The following CDH13 variants were observed in gnomAD, a reference collection of about 807,000 sequenced individuals.
CDH13 encodes the protein cadherin 13, also known as cadherin-13.
In CDH13, 24 loss-of-function variants were observed where a neutral mutation model predicts 63.8. The observed-to-expected ratio is 0.38, with a 90% CI of 0.27 to 0.53. CDH13 has a LOEUF of 0.53. CDH13 is among the 20% of genes least tolerant of loss of function. CDH13 has a pLI of 0.85. For synonymous variants in CDH13, 503 were observed against 355.3 expected, an observed-to-expected ratio of 1.42 and a Z score of -4.67; for missense variants, 1,049 against 903.1, an observed-to-expected ratio of 1.16 and a Z score of -2.07.
intron 3 of CDH13, among the ~76,000 whole-genome samples, chr16:83,049,962 C>G (rs945882004): frequency 6.6e-6 from 1 of 152,222 alleles, no homozygotes; most frequent in Non-Finnish European, 1.5e-5. Flanking sequence ...TAAGATGATG[C>G]TACAAAAATA....
rs533874781 is a variant in CDH13 at position 83,258,109 on chromosome 16, A to G, written c.636+40612A>G. 2.6e-5 allele frequency among the ~76,000 whole-genome samples: 4 copies of G among 152,368 alleles called. 1 individual carries two copies. The South Asian group carries it at 6.2e-4, about 24-fold the overall frequency. On this transcript the variant is annotated intron_variant, in intron 5 of 13. Transcript: ENST00000567109. ...GAGTCTTTATAAGCAAGTATAAATT[A>G]GTGGTTATTTGGGGGCTATTTCTGA...
intron 2 of CDH13, among the ~76,000 whole-genome samples, chr16:82,940,620 T>C (rs893872024): frequency 6.6e-6 from 1 of 152,218 alleles, no homozygotes; most frequent in South Asian, 2.1e-4. Context: ...GCTTCATACA[T>C]CTTTCAAGAT....
chr16:83,001,777 C>A (rs1024588265), intron 2 of CDH13, among the ~76,000 whole-genome samples: 6 of 152,148 alleles, frequency 3.9e-5, no homozygotes, highest in Non-Finnish European at 7.4e-5. Flanking sequence ...GAGTCCTGTC[C>A]AGGTGGTGGG....
At chr16:83,025,387 A>G (rs896259597) in intron 2 of CDH13, among the ~76,000 whole-genome samples, 1 of 152,228 alleles carries the variant, frequency 6.6e-6, no homozygotes, top group Non-Finnish European at 1.5e-5. Context: ...GGGAGGCCTC[A>G]GGAAACTTAC....
intron 3 of CDH13, among the ~76,000 whole-genome samples, chr16:83,097,297 T>C (rs1008197526): frequency 2.6e-5 from 4 of 152,250 alleles, no homozygotes; most frequent in Admixed American, 1.3e-4. Flanking sequence ...TAATCTGTTA[T>C]AATGCTGCTC....
chr16:83,740,863 G>T (rs781129766), intron 10 of CDH13, among the ~76,000 whole-genome samples: 1 of 152,234 alleles, frequency 6.6e-6, no homozygotes, highest in Non-Finnish European at 1.5e-5. Context: ...TCTGCTGGTT[G>T]TGGCACCCCA....
chr16:83,654,071 A>G (rs890851129), intron 8 of CDH13, among the ~76,000 whole-genome samples: 5 of 152,098 alleles, frequency 3.3e-5, no homozygotes, highest in African/African-American at 4.8e-5. Flanking sequence ...AATACATAGT[A>G]TAGACAGGGA....
chr16:83,092,375 C>T (rs1387875546), intron 3 of CDH13, among the ~76,000 whole-genome samples: 1 of 152,166 alleles, frequency 6.6e-6, no homozygotes, highest in African/African-American at 2.4e-5. Flanking sequence ...CATCTGGGCT[C>T]CTTGTAGTGA....
At chr16:83,506,156 A>C (rs938328410) in intron 7 of CDH13, among the ~76,000 whole-genome samples, 18 of 152,196 alleles carry the variant, frequency 1.2e-4, no homozygotes, top group African/African-American at 3.9e-4. Flanking sequence ...TGCAGGAATA[A>C]AAAGGCCAAG....
At chr16:82,813,638 T>C (rs1033399322) in intron 1 of CDH13, among the ~76,000 whole-genome samples, 1 of 152,124 alleles carries the variant, frequency 6.6e-6, no homozygotes, top group Non-Finnish European at 1.5e-5. Flanking sequence ...AGACCCCAGA[T>C]TGCTGGGGCT....
At chr16:82,742,021 A>G (rs2033954463) in intron 1 of CDH13, among the ~76,000 whole-genome samples, 1 of 152,106 alleles carries the variant, frequency 6.6e-6, no homozygotes, top group African/African-American at 2.4e-5. Context: ...AAATTGAAAC[A>G]CTCTAAATTT....
chr16:83,472,904 T>C (rs1185182507), intron 6 of CDH13, among the ~76,000 whole-genome samples: 3 of 152,130 alleles, frequency 2.0e-5, no homozygotes, highest in South Asian at 4.1e-4. Context: ...ATCCCTTGAG[T>C]GGTGGCCTGA....
chr16:83,608,625 TCAGG>T (rs755080750), intron 8 of CDH13, among the ~76,000 whole-genome samples: 6 of 151,710 alleles, frequency 4.0e-5, no homozygotes, highest in Non-Finnish European at 8.8e-5. Flanking sequence ...AGCTGGGACT[TCAGG>T]CATACACCAC....
At chr16:83,314,111 A>G (rs1271566271) in intron 5 of CDH13, among the ~76,000 whole-genome samples, 1 of 152,214 alleles carries the variant, frequency 6.6e-6, no homozygotes, top group Non-Finnish European at 1.5e-5. Context: ...TGCTCTAATC[A>G]AAAATATGCC....
intron 1 of CDH13, among the ~76,000 whole-genome samples, chr16:82,771,339 A>G (rs879856734): frequency 3.3e-5 from 5 of 152,200 alleles, no homozygotes; most frequent in African/African-American, 1.2e-4. Flanking sequence ...CTGTGTACAT[A>G]AACTTTCCAA....
intron 5 of CDH13, among the ~76,000 whole-genome samples, chr16:83,287,341 C>G (rs1423815799): frequency 1.3e-5 from 2 of 152,182 alleles, no homozygotes; most frequent in African/African-American, 2.4e-5. Context: ...CAGTACTAGC[C>G]TATGACCTGT....
intron 2 of CDH13, among the ~76,000 whole-genome samples, chr16:82,889,300 A>ATCTCTC (rs59500269): frequency 6.7e-4 from 101 of 149,840 alleles, no homozygotes; most frequent in Non-Finnish European, 6.4e-4. Context: ...TCTCTCTATT[A>ATCTCTC]TCTCTCTCTC....
intron 8 of CDH13, among the ~76,000 whole-genome samples, chr16:83,648,340 T>C (rs1025942680): frequency 6.6e-6 from 1 of 152,066 alleles, no homozygotes; most frequent in Non-Finnish European, 1.5e-5. Context: ...GACTTAAGGG[T>C]CACTTTGATT....
chr16:83,620,968 C>T (rs1909756491), intron 8 of CDH13, among the ~76,000 whole-genome samples: 1 of 152,184 alleles, frequency 6.6e-6, no homozygotes, highest in Non-Finnish European at 1.5e-5. Context: ...ATCCCCCAGC[C>T]AGTGTGAATA....
Sources: allele counts gnomAD v4.1 joint callset (sites outside exome capture counted in the v4.1 genomes callset), GRCh38; gene constraint gnomAD v4.1.1; transcripts MANE v1.5; gene names NCBI Gene and HGNC (gene_info 2026-07-23, HGNC 2026-07-21).